Variants in INF2 observed in about 807,000 individuals in gnomAD.
The protein encoded by INF2 is inverted formin 2.
Under a neutral mutation model 123.5 loss-of-function variants are expected in INF2, and 43 were observed. That is an observed-to-expected ratio of 0.35 (90% CI 0.27 to 0.45). The LOEUF is 0.45. Among genes scored for constraint, INF2 ranks in the 20% least tolerant of loss-of-function variants. The probability of loss-of-function intolerance (pLI) is 1.00; values close to 1 mark genes in which losing one functional copy is unlikely to be tolerated. For missense variants in INF2, 1,453 were observed against 1,682.7 expected (o/e 0.86, Z 2.39); for synonymous variants, 851 against 745.0 (o/e 1.14, Z -2.32).
Position 104,707,041 on chromosome 14 carries a change from G to A in INF2, c.975G>A (p.Leu325=). The A allele has an allele frequency of 6.3e-7, 1 of 1,580,158 alleles. No individual in the cohort carries two copies. The highest frequency in any genetic ancestry group is 8.5e-7 in the Non-Finnish European group (1 of 1,171,192). The part of the protein sequence containing the change: ...LESLVNRAVL[L]ASDAQECTLE... ...GCCTCGTGAACCGGGCCGTGCTCCTGGCCAGCGATGGTGAGGGGGCGGGGC... is the reference window on the plus strand; with the variant it reads ...GCCTCGTGAACCGGGCCGTGCTCCTAGCCAGCGATGGTGAGGGGGCGGGGC... Residue 325 remains leucine, a synonymous_variant, in exon 7 of 23, where the codon CTG becomes CTA. Transcript: ENST00000392634.
chr14:104,715,357 C>G lies in INF2; in HGVS notation c.*1+17C>G. 6.2e-7 allele frequency: 1 copy of G among 1,610,962 alleles called. No homozygotes were observed. Among genetic ancestry groups the G allele is most frequent in the Non-Finnish European group, 8.5e-7 (1 of 1,177,874 alleles). ...TCCAGTAAGGTATGTACGCAGCCGG[C>G]GCTCCGTGGGGGCTAACAGCAGCTG... On this transcript the variant is annotated intron_variant, in intron 22 of 22. Coordinates refer to ENST00000392634, the MANE Select transcript of INF2 (RefSeq NM_022489.4).
chr14:104,706,984 C>A lies in INF2; in HGVS notation c.918C>A (p.Arg306=). 6.3e-7 allele frequency: 1 copy of A among 1,599,298 alleles called. No homozygotes were observed. Among genetic ancestry groups the A allele is most frequent in the African/African-American group, 1.3e-5 (1 of 74,968 alleles). Residue 306 remains arginine, a synonymous_variant, in exon 7 of 23, where the codon CGC becomes CGA. Coordinates refer to ENST00000392634, the MANE Select transcript of INF2 (RefSeq NM_022489.4). ...QGLLHLEPTL[R]SSQLLWEALE... is the part of the protein sequence containing the mutation. ...TCCTGCACCTGGAGCCCACCCTCCG[C>A]TCCAGCCAGCTGCTCTGGGAGGCCC...
chr14:104,717,941 C>T (rs1031716563), intron 22 of INF2, among the ~76,000 whole-genome samples: 5 of 152,346 alleles, frequency 3.3e-5, no homozygotes, highest in South Asian at 2.1e-4. Context: ...CTGCCACTGC[C>T]GTGCATTTGA....
rs10146459 is a variant in INF2 at position 104,719,996 on chromosome 14, G to A, written c.*1203G>A. On this transcript the variant is annotated 3_prime_UTR_variant, in exon 23 of 23. Transcript: ENST00000392634. ...TGGTGTTTGCTCTCCAGCAGATCAAGTTTGTGCAATGATCCATTTTGAGAA... is the reference window on the plus strand; with the variant it reads ...TGGTGTTTGCTCTCCAGCAGATCAAATTTGTGCAATGATCCATTTTGAGAA... 71,715 of 152,410 alleles carry A rather than the reference G, an allele frequency of 0.47. 18,316 individuals are homozygous for A. Among genetic ancestry groups the A allele is most frequent in the East Asian group, 0.89 (4,584 of 5,170 alleles). 9.4% of individuals were successfully genotyped at this position (152,410 alleles called of 1,614,324 possible).
intron 8 of INF2, chr14:104,708,230 A>C (rs986262658): frequency 1.7e-5 from 15 of 866,104 alleles, no homozygotes; most frequent in Non-Finnish European, 2.3e-5. Context: ...CCCGTGAGCC[A>C]GTGCATCTGG....
chr14:104,713,015 A>C (rs2140693250), intron 18 of INF2, 23 bp downstream of exon 18: 2 of 1,611,684 alleles, frequency 1.2e-6, no homozygotes, highest in East Asian at 4.5e-5. Context: ...GGCGGGACAC[A>C]GCCTGTCTGG....
rs1024880178 is a variant in INF2, at chr14:104,712,504, T to C, written c.2561T>C (p.Val854Ala). ...AAGCTTCTGGAGACCGAGCGGAAGG[T>C]GTCTGCCTCCGTGGCCGAGGTCCAG... ...LKKLLETERK[V>A]SASVAEVQEQ... The change falls in exon 17 of 23, where the codon GTG becomes GCG. Residue 854 changes from valine to alanine, a missense_variant. Transcript: ENST00000392634. 3 of 1,612,454 alleles carry C rather than the reference T, an allele frequency of 1.9e-6. No individual in the cohort carries two copies. In the African/African-American group the frequency reaches 4.0e-5, roughly 22 times the overall value.
upstream of INF2, among the ~76,000 whole-genome samples, chr14:104,686,318 T>C (rs1423629448): frequency 6.8e-6 from 1 of 145,986 alleles, no homozygotes; most frequent in Non-Finnish European, 1.5e-5. Context: ...GGTGGGTGGA[T>C]GGGTGGATGA....
chr14:104,710,856 C>A, intron 13 of INF2, 81 bp from the exon 14 acceptor site: 2 of 1,256,970 alleles, frequency 1.6e-6, no homozygotes, highest in African/African-American at 1.5e-5. Context: ...GGGGCACTGG[C>A]AAGCAGGACC....
intron 8 of INF2, 71 bp from the exon 9 acceptor site, chr14:104,708,365 C>T: frequency 1.3e-6 from 2 of 1,583,454 alleles, no homozygotes; most frequent in Non-Finnish European, 1.7e-6. Flanking sequence ...TGGGAGGCTC[C>T]AGCCCCTGCC....
At chr14:104,706,508 G>A (rs1889787891) in intron 6 of INF2, among the ~76,000 whole-genome samples, 1 of 152,180 alleles carries the variant, frequency 6.6e-6, no homozygotes, top group Non-Finnish European at 1.5e-5. Context: ...TCCCCATCAG[G>A]TGGGCTTCAG....
intron 1 of INF2, chr14:104,689,944 T>A (rs1888856606): frequency 6.3e-6 from 1 of 157,612 alleles, no homozygotes; most frequent in Admixed American, 6.5e-5. Flanking sequence ...CGCGCCCCGC[T>A]CGGGACTATG....
At chr14:104,700,923 A>G (rs1889448646) in intron 1 of INF2, 12 of 947,998 alleles carry the variant, frequency 1.3e-5, no homozygotes, top group Non-Finnish European at 1.5e-5. Context: ...CTGGGGTGAG[A>G]TAAGGCAGCC....
rs1325200709 is a variant in INF2, at chr14:104,699,856, A to C, written c.-9-1501A>C. On this transcript the variant is annotated intron_variant, in intron 1 of 22. Transcript: ENST00000392634. The surrounding 1 kb of genome is among the most constrained non-coding windows in gnomAD (Gnocchi z 4.7). ...GCTGGTGAGGGCCCGGGCTGGGGACATGCAGATCAGAACCCTGGCTTACAC... is the reference window on the plus strand; with the variant it reads ...GCTGGTGAGGGCCCGGGCTGGGGACCTGCAGATCAGAACCCTGGCTTACAC... Among the ~76,000 whole-genome samples the C allele has an allele frequency of 6.6e-6, 1 of 152,132 alleles. No homozygotes were observed. Among genetic ancestry groups the C allele is most frequent in the Admixed American group, 6.5e-5 (1 of 15,292 alleles).
chr14:104,695,649 C>G (rs557754606), intron 1 of INF2, among the ~76,000 whole-genome samples: 23 of 129,584 alleles, frequency 1.8e-4, no homozygotes, highest in Non-Finnish European at 2.8e-4. Context: ...CCCCTACCCC[C>G]CCTACAGAGT....
At chr14:104,718,060 G>A (rs996358190) in intron 22 of INF2, among the ~76,000 whole-genome samples, 4 of 152,244 alleles carry the variant, frequency 2.6e-5, no homozygotes, top group Admixed American at 6.5e-5. Context: ...CTTGGTCTTG[G>A]CCATTTCTCC....
intron 21 of INF2, 35 bp downstream of exon 21, chr14:104,714,891 G>C: frequency 6.7e-7 from 1 of 1,491,950 alleles, no homozygotes; most frequent in Non-Finnish European, 8.9e-7. Flanking sequence ...ACCGTCCCAC[G>C]CCAGGGCGCT....
chr14:104,684,683 G>A (rs1009488712), upstream of INF2: 8 of 152,520 alleles, frequency 5.2e-5, no homozygotes, highest in African/African-American at 1.7e-4. This position sits in a 1 kb window ranked among gnomAD's most constrained non-coding sequence, Gnocchi z 5.0. Context: ...AACTCTTGGT[G>A]TGGTAGACCC....
In INF2 at chr14:104,699,982, A is replaced by C. The variant is rs1889395241; in HGVS notation, c.-9-1375A>C. 6.6e-6 allele frequency among the ~76,000 whole-genome samples: 1 copy of C among 152,132 alleles called. No homozygotes were observed. Among genetic ancestry groups the C allele is most frequent in the Non-Finnish European group, 1.5e-5 (1 of 67,992 alleles). ...CGGGGAGTAGGGGCTGGACTGCCGG[A>C]AACACCAGGCTTGGTCGTGGACCAG... On this transcript the variant is annotated intron_variant, in intron 1 of 22. Transcript: ENST00000392634. This position sits in a 1 kb window ranked among gnomAD's most constrained non-coding sequence, Gnocchi z 4.7.
Sources: gnomAD v4.1 joint callset for allele counts (sites outside exome capture counted in the v4.1 genomes callset) on GRCh38, gnomAD v4.1.1 for gene constraint, Gnocchi (gnomAD v3.1) non-coding constraint, MANE v1.5 for transcripts, NCBI Gene and HGNC (gene_info 2026-07-23, HGNC 2026-07-21) for gene names.